Variants in VPS13D observed in about 807,000 individuals in gnomAD.
VPS13D encodes the protein intermembrane lipid transfer protein VPS13D.
Under a neutral mutation model 461.9 loss-of-function variants are expected in VPS13D, and 187 were observed. The observed-to-expected ratio is 0.40, with a 90% CI of 0.36 to 0.46. The LOEUF (loss-of-function observed/expected upper bound fraction) is 0.46, where lower values mean the gene tolerates loss of function less well. VPS13D is among the 20% of genes least tolerant of loss of function. VPS13D has a pLI of 0.60. For missense variants in VPS13D, 4,711 were observed against 5,364.9 expected (o/e 0.88, Z 3.81); for synonymous variants, 1,951 against 1,986.3 (o/e 0.98, Z 0.47).
intron 18 of VPS13D, among the ~76,000 whole-genome samples, chr1:12,273,947 A>C (rs1350432058): frequency 6.6e-6 from 1 of 151,976 alleles, no homozygotes; most frequent in Admixed American, 6.6e-5. Context: ...TCTGCAATGT[A>C]GACATATATT....
chr1:12,493,048 G>T (rs957200724), intron 67 of VPS13D, among the ~76,000 whole-genome samples: 1 of 150,948 alleles, frequency 6.6e-6, no homozygotes, highest in Admixed American at 6.6e-5. Context: ...AGACCAACTT[G>T]TGGTCCACGA....
In VPS13D at chr1:12,238,246, A is replaced by C. The variant is rs553337096; in HGVS notation, c.97+3883A>C. Among the ~76,000 whole-genome samples the C allele has an allele frequency of 1.8e-4, 25 of 135,758 alleles. No individual in the cohort carries two copies. The East Asian group carries it at 6.0e-3, about 33-fold the overall frequency. 89.1% of individuals were successfully genotyped at this position (135,758 alleles called of 152,430 possible). A position where few individuals can be genotyped will look rare whatever the true frequency, so the allele number is the denominator to read the frequency against. On this transcript the variant is annotated intron_variant, in intron 2 of 69. Transcript: ENST00000620676. Reference sequence around the variant, plus strand: ...AAAAAATCCCCCCCAAAAAATATATATATATACTTGTAATCCCCCAAAATA... The same window carrying C: ...AAAAAATCCCCCCCAAAAAATATATCTATATACTTGTAATCCCCCAAAATA...
intron 63 of VPS13D, among the ~76,000 whole-genome samples, chr1:12,411,715 G>T (rs748837509): frequency 6.6e-5 from 10 of 152,128 alleles, no homozygotes; most frequent in African/African-American, 2.2e-4. Context: ...TCTTCTGCTG[G>T]TCTCACCAGT....
rs1267736358 is a variant in VPS13D, at chr1:12,244,620, A to C, written c.447+3A>C. The C allele has an allele frequency of 6.2e-7, 1 of 1,613,168 alleles. No homozygotes were observed. The highest frequency in any genetic ancestry group is 1.7e-5 in the Admixed American group (1 of 60,004). On this transcript the variant is annotated splice_donor_region_variant and intron_variant, in intron 5 of 69. Transcript: ENST00000620676. Reference sequence around the variant, plus strand: ...CAAGGATTGTGGAGAATATTGAAGTAAGTCCTGCTGACTTTTATAAAAGTA... The same window carrying C: ...CAAGGATTGTGGAGAATATTGAAGTCAGTCCTGCTGACTTTTATAAAAGTA...
intron 47 of VPS13D, 64 bp downstream of exon 47, chr1:12,354,285 ATTAT>A (rs1643867346): frequency 8.9e-6 from 14 of 1,576,334 alleles, no homozygotes; most frequent in Admixed American, 1.8e-5. Flanking sequence ...GTATTTTGTG[ATTAT>A]TTATTTGGTA....
intron 24 of VPS13D, among the ~76,000 whole-genome samples, chr1:12,295,943 T>C (rs758874461): frequency 1.3e-5 from 2 of 152,240 alleles, no homozygotes; most frequent in Non-Finnish European, 2.9e-5. Context: ...TTTATAAAAA[T>C]GGTATTAAAC....
Position 12,328,359 on chromosome 1 carries a change from C to CTT in VPS13D, c.8197+522_8197+523dup, listed in dbSNP as rs71570103. Among the ~76,000 whole-genome samples, 693 of 134,196 alleles carry CTT rather than the reference C, an allele frequency of 5.2e-3. 2 individuals carry two copies. The highest frequency in any genetic ancestry group is 8.2e-3 in the Non-Finnish European group (515 of 62,662). 88.0% of individuals were successfully genotyped at this position (134,196 alleles called of 152,430 possible). On this transcript the variant is annotated intron_variant, in intron 36 of 69. Coordinates refer to ENST00000620676, the MANE Select transcript of VPS13D (RefSeq NM_015378.4). Reference sequence around the variant, plus strand: ...GGGACCAAAGTAGGAGTACTCTATCCTTTTTTTTTTTTTTTTTTACCTCAA... The same window carrying CTT: ...GGGACCAAAGTAGGAGTACTCTATCCTTTTTTTTTTTTTTTTTTTTACCTCAA...
Position 12,249,264 on chromosome 1 carries a change from C to T in VPS13D, c.489C>T (p.Val163=). Residue 163 remains valine (V), a synonymous_variant, in exon 6 of 70, where the codon GTC becomes GTT. Transcript: ENST00000620676. ...QDVHLRFEDG[V]TNPSHPFAFG... ...TCCATTTACGCTTTGAAGATGGTGT[C>T]ACCAATCCCTCCCATCCTTTTGCTT... 1.9e-6 allele frequency: 3 copies of T among 1,613,840 alleles called. No homozygotes were observed. The highest frequency in any genetic ancestry group is 2.5e-6 in the Non-Finnish European group (3 of 1,179,950).
At position 12,327,869 on chromosome 1, in the gene VPS13D, G is replaced by T. The variant is rs1165419382; in HGVS notation, c.8197+15G>T. 1.2e-6 allele frequency: 2 copies of T among 1,609,960 alleles called. No homozygotes were observed. Among genetic ancestry groups the T allele is most frequent in the East Asian group, 2.2e-5 (1 of 44,776 alleles). Reference sequence around the variant, plus strand: ...CACCTTTTCCCGTGAGTGTTGTACTGGTTTTCAGATTCATCTTGAATATTT... The same window carrying T: ...CACCTTTTCCCGTGAGTGTTGTACTTGTTTTCAGATTCATCTTGAATATTT... On this transcript the variant is annotated intron_variant, in intron 36 of 69. Transcript: ENST00000620676.
chr1:12,323,618 T>A, intron 34 of VPS13D, 88 bp from the exon 35 acceptor site: 2 of 1,354,276 alleles, frequency 1.5e-6, no homozygotes, highest in South Asian at 1.3e-5. Flanking sequence ...CACGGGTTTT[T>A]AAATTTCTTT....
At chr1:12,487,563 A>T (rs1645814039) in intron 67 of VPS13D, among the ~76,000 whole-genome samples, 1 of 150,390 alleles carries the variant, frequency 6.6e-6, no homozygotes, top group African/African-American at 2.5e-5. Flanking sequence ...GTGAGCCGAG[A>T]TCACACCACT....
chr1:12,233,710 A>G (rs898639852), intron 1 of VPS13D, among the ~76,000 whole-genome samples: 2 of 152,218 alleles, frequency 1.3e-5, no homozygotes, highest in Non-Finnish European at 2.9e-5. Context: ...TTGGCCCTCC[A>G]GTTACTGATG....
intron 67 of VPS13D, among the ~76,000 whole-genome samples, chr1:12,482,760 A>ATGG (rs1645737758): frequency 7.0e-6 from 1 of 143,182 alleles, no homozygotes; most frequent in Non-Finnish European, 1.5e-5. Context: ...ATATGTATAC[A>ATGG]TAGTATACAT....
At chr1:12,232,930 G>A (rs1017106814) in intron 1 of VPS13D, among the ~76,000 whole-genome samples, 3 of 151,412 alleles carry the variant, frequency 2.0e-5, no homozygotes, top group Admixed American at 1.3e-4. Context: ...TAATTTGGGC[G>A]GCCTAAATGA....
chr1:12,241,139 T>G (rs1640341821), intron 2 of VPS13D, among the ~76,000 whole-genome samples: 1 of 151,714 alleles, frequency 6.6e-6, no homozygotes, highest in Admixed American at 6.6e-5. Context: ...GTTGGGGTCT[T>G]GCCGTATTGC....
intron 67 of VPS13D, among the ~76,000 whole-genome samples, chr1:12,471,277 G>C (rs146210560): frequency 1.3e-5 from 2 of 152,072 alleles, no homozygotes; most frequent in South Asian, 2.1e-4. Flanking sequence ...CTCCAGCCTG[G>C]GTGACAGAGT....
chr1:12,382,950 CAT>C, intron 57 of VPS13D, 24 bp from the exon 58 acceptor site: 6 of 1,592,384 alleles, frequency 3.8e-6, no homozygotes, highest in Non-Finnish European at 5.1e-6. Context: ...TCTTTTCTCA[CAT>C]GTCTCTACTC....
At position 12,304,579 on chromosome 1, in the gene VPS13D, C is replaced by G. The variant is rs267597962; in HGVS notation, c.6290C>G (p.Pro2097Arg). Residue 2097 changes from proline (P) to arginine (R), a missense_variant, in exon 26 of 70, where the codon CCC becomes CGC. By Grantham distance (103) the Pro-to-Arg change is moderately radical. Transcript: ENST00000620676. ...SLRKTTSTEE[P>R]RGTHSQGQFT... ...AGGAAAACGACAAGCACGGAGGAGC[C>G]CAGGGGAACCCATTCCCAGGGGCAG... The G allele has an allele frequency of 6.2e-7, 1 of 1,614,044 alleles. No individual in the cohort carries two copies. The highest frequency in any genetic ancestry group is 8.5e-7 in the Non-Finnish European group (1 of 1,179,990).
At position 12,276,715 on chromosome 1, in the gene VPS13D, C is replaced by T. The variant is rs754670550; in HGVS notation, c.3127C>T (p.Pro1043Ser). 11 of 1,614,188 alleles carry T rather than the reference C, an allele frequency of 6.8e-6. No individual in the cohort carries two copies. Among genetic ancestry groups the T allele is most frequent in the African/African-American group, 1.3e-5 (1 of 75,052 alleles). Residue 1043 changes from proline (P) to serine (S), a missense_variant, in exon 19 of 70, where the codon CCT becomes TCT. By Grantham distance (74) the Pro-to-Ser change is moderately conservative. This residue lies in a region of VPS13D where 4,411 missense variants were observed against 4,937.8 expected (regional missense o/e 0.89). Transcript: ENST00000620676. This position sits in a 1 kb window ranked among gnomAD's most constrained non-coding sequence, Gnocchi z 4.5. ...CCTTCGGGATAGCAGGGCCCAGTCT[C>T]CTGTCTCTGGACCGAATGTGGCCCA... Reference protein sequence around the residue: ...GSLRDSRAQSPVSGPNVAHLT... With the variant: ...GSLRDSRAQSSVSGPNVAHLT...
Sources: gnomAD v4.1 joint callset for allele counts (sites outside exome capture counted in the v4.1 genomes callset) on GRCh38, gnomAD v4.1.1 for gene constraint, gnomAD v4.1.1 regional missense constraint, Gnocchi (gnomAD v3.1) non-coding constraint, MANE v1.5 for transcripts, NCBI Gene and HGNC (gene_info 2026-07-23, HGNC 2026-07-21) for gene names.